MARCHF1: variants seen among roughly 807,000 people sequenced by gnomAD.
MARCHF1 encodes E3 ubiquitin-protein ligase MARCHF1.
In MARCHF1, 40 loss-of-function variants were observed where a neutral mutation model predicts 54.2. The ratio of observed to expected loss-of-function variants is 0.74; its 90% CI spans 0.57 to 0.96. The LOEUF (loss-of-function observed/expected upper bound fraction) is 0.96, where lower values mean the gene tolerates loss of function less well. Ranked by LOEUF, MARCHF1 falls within the 40% of genes least tolerant of loss-of-function variation. The pLI is 0.00. For missense variants in MARCHF1, 586 were observed against 656.5 expected (o/e 0.89, Z 1.17); for synonymous variants, 236 against 236.3 (o/e 1.00, Z 0.01).
intron 1 of MARCHF1, among the ~76,000 whole-genome samples, chr4:164,325,333 T>TTTTATATA (rs375590729): frequency 7.2e-6 from 1 of 138,460 alleles, no homozygotes; most frequent in Admixed American, 7.3e-5. Flanking sequence ...TAGACAGAAA[T>TTTTATATA]TATATATATA....
chr4:163,923,131 C>T (rs1369790278), intron 3 of MARCHF1, among the ~76,000 whole-genome samples: 1 of 151,798 alleles, frequency 6.6e-6, no homozygotes, highest in Non-Finnish European at 1.5e-5. Flanking sequence ...TGCTAAACTT[C>T]ACAGGTAAAA....
intron 8 of MARCHF1, among the ~76,000 whole-genome samples, chr4:163,549,834 G>C (rs1739041023): frequency 6.6e-6 from 1 of 152,114 alleles, no homozygotes; most frequent in Non-Finnish European, 1.5e-5. Flanking sequence ...ATTTGATGAA[G>C]TTAAATCAAA....
intron 8 of MARCHF1, among the ~76,000 whole-genome samples, chr4:163,558,689 G>T: frequency 6.6e-6 from 1 of 152,276 alleles, no homozygotes; most frequent in African/African-American, 2.4e-5. Context: ...TGAAATGTGG[G>T]CTATGTTTAA....
intron 3 of MARCHF1, among the ~76,000 whole-genome samples, chr4:163,962,944 T>A (rs1408686058): frequency 6.6e-6 from 1 of 151,932 alleles, no homozygotes; most frequent in Non-Finnish European, 1.5e-5. Flanking sequence ...CAACAGAGCC[T>A]GTATATTCAA....
intron 1 of MARCHF1, among the ~76,000 whole-genome samples, chr4:164,295,904 G>A (rs1404517129): frequency 6.6e-6 from 1 of 152,092 alleles, no homozygotes; most frequent in Non-Finnish European, 1.5e-5. Flanking sequence ...TGTTAATTTA[G>A]TACATAGAGT....
chr4:163,997,571 A>G (rs1398347819), intron 2 of MARCHF1, among the ~76,000 whole-genome samples: 1 of 152,012 alleles, frequency 6.6e-6, no homozygotes, highest in Admixed American at 6.6e-5. Context: ...TAATTTCTGA[A>G]GTACCCTTTA....
chr4:163,776,689 G>A (rs1747315080), intron 4 of MARCHF1, among the ~76,000 whole-genome samples: 1 of 151,974 alleles, frequency 6.6e-6, no homozygotes, highest in South Asian at 2.1e-4. Flanking sequence ...CCAACACTCA[G>A]CACATTGTTT....
rs1730696424 is a variant in MARCHF1 at position 164,176,972 on chromosome 4, CTCTCTCTCTATATATATATATAT to C, written c.-322-65333_-322-65311del. On this transcript the variant is annotated intron_variant, in intron 1 of 9. Coordinates refer to ENST00000514618, the MANE Select transcript of MARCHF1 (RefSeq NM_001394959.1). ...TCTCTCTCTCTCTCTCTCTCTCTCT[CTCTCTCTCTATATATATATATAT>C]ATATATATATATATACAAATGATAG... 7.0e-5 allele frequency among the ~76,000 whole-genome samples: 4 copies of C among 56,834 alleles called. 1 individual carries two copies. Among genetic ancestry groups the C allele is most frequent in the Non-Finnish European group, 1.2e-4 (4 of 32,238 alleles). 37.3% of individuals were successfully genotyped at this position (56,834 alleles called of 152,430 possible). A position where few individuals can be genotyped will look rare whatever the true frequency, so the allele number is the denominator to read the frequency against.
chr4:163,914,595 T>A (rs895342599), intron 3 of MARCHF1, among the ~76,000 whole-genome samples: 1 of 152,150 alleles, frequency 6.6e-6, no homozygotes, highest in South Asian at 2.1e-4. Flanking sequence ...GGCTAGTTTT[T>A]TGAGTACAAG....
intron 2 of MARCHF1, among the ~76,000 whole-genome samples, chr4:164,076,396 T>C (rs533815846): frequency 6.6e-6 from 1 of 152,262 alleles, no homozygotes; most frequent in Non-Finnish European, 1.5e-5. Flanking sequence ...TATCTCAAAA[T>C]AATAAGAGCT....
At chr4:163,980,896 C>A (rs1172304584) in intron 3 of MARCHF1, among the ~76,000 whole-genome samples, 1 of 152,162 alleles carries the variant, frequency 6.6e-6, no homozygotes, top group Non-Finnish European at 1.5e-5. Context: ...TGCTATAGAT[C>A]TAAGTCTGTA....
chr4:164,312,319 CTTTTTTT>C (rs34613860), intron 1 of MARCHF1, among the ~76,000 whole-genome samples: 3 of 103,442 alleles, frequency 2.9e-5, no homozygotes, highest in Admixed American at 1.2e-4. Flanking sequence ...TTTTCTTTTT[CTTTTTTT>C]TTTTTTTTTT....
At position 163,817,463 on chromosome 4, in the gene MARCHF1, AAC is replaced by A. The variant is rs111793655; in HGVS notation, c.111+36556_111+36557del. 7.8e-3 allele frequency among the ~76,000 whole-genome samples: 1,160 copies of A among 148,828 alleles called. 9 individuals are homozygous for A. Among genetic ancestry groups the A allele is most frequent in the African/African-American group, 0.027 (1,089 of 40,714 alleles). The stretch of plus-strand genomic sequence containing the variant: ...TATGTAGCTGTGTGGTTAGGAGAGC[AAC>A]ACACACACACACACACATATCCATC... On this transcript the variant is annotated intron_variant, in intron 4 of 9. Coordinates refer to ENST00000514618, the MANE Select transcript of MARCHF1 (RefSeq NM_001394959.1).
At chr4:163,627,799 T>C (rs1163255947) in intron 5 of MARCHF1, among the ~76,000 whole-genome samples, 1 of 152,010 alleles carries the variant, frequency 6.6e-6, no homozygotes, top group Non-Finnish European at 1.5e-5. Flanking sequence ...TCAATTAATT[T>C]ACTACAAAGC....
intron 1 of MARCHF1, among the ~76,000 whole-genome samples, chr4:164,254,266 GGT>G (rs1221867764): frequency 6.6e-6 from 1 of 150,784 alleles, no homozygotes; most frequent in Non-Finnish European, 1.5e-5. Context: ...TGGCCAGGTT[GGT>G]CTCTGTATTC....
At chr4:164,114,834 A>G (rs1755908671) in intron 1 of MARCHF1, among the ~76,000 whole-genome samples, 1 of 151,286 alleles carries the variant, frequency 6.6e-6, no homozygotes, top group African/African-American at 2.4e-5. Context: ...AACACTTCAG[A>G]GCTATTAATT....
intron 2 of MARCHF1, among the ~76,000 whole-genome samples, chr4:164,100,590 G>C (rs1169572240): frequency 2.0e-5 from 3 of 152,190 alleles, no homozygotes; most frequent in Non-Finnish European, 4.4e-5. Flanking sequence ...AACATGGTTG[G>C]TATCTACAGC....
intron 3 of MARCHF1, among the ~76,000 whole-genome samples, chr4:163,856,257 T>C (rs1285182005): frequency 1.3e-5 from 2 of 152,340 alleles, no homozygotes; most frequent in Admixed American, 6.5e-5. Context: ...TAACTGTCAT[T>C]ATCTTATTTT....
At chr4:163,881,911 A>G (rs1278785954) in intron 3 of MARCHF1, among the ~76,000 whole-genome samples, 1 of 152,202 alleles carries the variant, frequency 6.6e-6, no homozygotes, top group Admixed American at 6.5e-5. Context: ...TTCAAGAAGA[A>G]AGTGCCACAA....
Sources: gnomAD v4.1 joint callset for allele counts (sites outside exome capture counted in the v4.1 genomes callset) on GRCh38, gnomAD v4.1.1 for gene constraint, MANE v1.5 for transcripts, NCBI Gene and HGNC (gene_info 2026-07-23, HGNC 2026-07-21) for gene names.